LGSN: variants seen among roughly 807,000 people sequenced by gnomAD.
LGSN encodes the protein lengsin.
A neutral mutation model predicts 19.5 loss-of-function variants in LGSN; 21 were observed. The ratio of observed to expected loss-of-function variants is 1.07; its 90% confidence interval spans 0.76 to 1.55. The LOEUF is 1.55. Ranked by LOEUF, LGSN falls within the 40% of genes most tolerant of loss-of-function variation. The pLI, the probability that LGSN is intolerant of heterozygous loss-of-function variation, is 0.00. For synonymous variants in LGSN, 257 were observed against 215.6 expected, an observed-to-expected ratio of 1.19 and a Z score of -1.68; for missense variants, 673 against 608.5, an observed-to-expected ratio of 1.11 and a Z score of -1.12.
chr6:63,388,250 G>T, the LGSN span, among the ~76,000 whole-genome samples: 5 of 152,176 alleles, frequency 3.3e-5, no homozygotes, highest in East Asian at 9.7e-4. Context: ...GGTGAATTAT[G>T]AAGATAAGGA....
chr6:63,457,399 G>A, the LGSN span, among the ~76,000 whole-genome samples: 25 of 152,136 alleles, frequency 1.6e-4, no homozygotes, highest in Non-Finnish European at 2.9e-5. Flanking sequence ...CAGCTACTCG[G>A]GAGGCTGAGG....
At chr6:63,390,855 A>AT in the LGSN span, among the ~76,000 whole-genome samples, 2 of 139,058 alleles carry the variant, frequency 1.4e-5, no homozygotes, top group African/African-American at 5.9e-5. Flanking sequence ...GCAAGACTCC[A>AT]TCTCAAAAAA....
the LGSN span, among the ~76,000 whole-genome samples, chr6:63,325,687 C>T: frequency 2.3e-3 from 352 of 152,172 alleles, 1 homozygote; most frequent in Non-Finnish European, 3.7e-3. Flanking sequence ...TTTAAGGTGG[C>T]GCATCTGGAG....
the LGSN span, among the ~76,000 whole-genome samples, chr6:63,342,705 CT>C: frequency 2.2e-4 from 34 of 152,294 alleles, no homozygotes; most frequent in Middle Eastern, 6.8e-3. Context: ...TGGTGATCAG[CT>C]TTTTAAATTT....
the LGSN span, among the ~76,000 whole-genome samples, chr6:63,560,931 G>A: frequency 6.6e-6 from 1 of 152,126 alleles, no homozygotes; most frequent in African/African-American, 2.4e-5. Flanking sequence ...CAGATTTTCA[G>A]TAAAGTATTG....
the LGSN span, among the ~76,000 whole-genome samples, chr6:63,348,008 G>A: frequency 6.6e-6 from 1 of 152,150 alleles, no homozygotes; most frequent in South Asian, 2.1e-4. Flanking sequence ...CTTAAAATTG[G>A]AGGAGAAACT....
At chr6:63,561,407 A>G in the LGSN span, among the ~76,000 whole-genome samples, 13 of 152,328 alleles carry the variant, frequency 8.5e-5, no homozygotes, top group African/African-American at 3.1e-4. Context: ...TATTTCTACA[A>G]CAACCAGCAC....
the LGSN span, among the ~76,000 whole-genome samples, chr6:63,547,733 G>A: frequency 1.4e-5 from 2 of 145,098 alleles, no homozygotes; most frequent in African/African-American, 5.1e-5. Context: ...GGATGGTCTC[G>A]ATCTCCTGAC....
intron 2 of LGSN, among the ~76,000 whole-genome samples, chr6:63,287,494 C>T (rs925027754): frequency 1.3e-5 from 2 of 151,978 alleles, no homozygotes; most frequent in Non-Finnish European, 2.9e-5. Context: ...CAAGACCAGC[C>T]TGGGCCAGTT....
At chr6:63,326,712 T>A in the LGSN span, among the ~76,000 whole-genome samples, 1 of 152,174 alleles carries the variant, frequency 6.6e-6, no homozygotes, top group Non-Finnish European at 1.5e-5. Flanking sequence ...AGCCCCTCAT[T>A]GCCCAGGGCC....
upstream of LGSN, among the ~76,000 whole-genome samples, chr6:63,323,749 T>C (rs988906852): frequency 7.3e-5 from 11 of 150,850 alleles, no homozygotes; most frequent in Admixed American, 1.3e-4. Flanking sequence ...GAAAAACCAC[T>C]GGAATCTCGT....
At chr6:63,451,823 G>A in the LGSN span, among the ~76,000 whole-genome samples, 1 of 151,774 alleles carries the variant, frequency 6.6e-6, no homozygotes, top group Non-Finnish European at 1.5e-5. Flanking sequence ...CAATTGAGAT[G>A]GTCACACAAT....
the LGSN span, among the ~76,000 whole-genome samples, chr6:63,487,821 A>C: frequency 6.6e-6 from 1 of 152,112 alleles, no homozygotes; most frequent in African/African-American, 2.4e-5. Flanking sequence ...TCTCTATTAA[A>C]AATGCAAATA....
At chr6:63,558,379 A>G in the LGSN span, among the ~76,000 whole-genome samples, 1 of 152,272 alleles carries the variant, frequency 6.6e-6, no homozygotes, top group East Asian at 1.9e-4. Context: ...GAGGGGGACA[A>G]TCTCTGAGCC....
the LGSN span, among the ~76,000 whole-genome samples, chr6:63,325,953 C>G: frequency 6.6e-6 from 1 of 152,132 alleles, no homozygotes; most frequent in South Asian, 2.1e-4. Context: ...TCTTATCTGG[C>G]CCCACCCACA....
chr6:63,476,336 G>A, the LGSN span, among the ~76,000 whole-genome samples: 4 of 152,290 alleles, frequency 2.6e-5, no homozygotes, highest in African/African-American at 9.6e-5. Context: ...AGGACTGTTC[G>A]ATTAACTCTT....
At chr6:63,472,707 G>A in the LGSN span, among the ~76,000 whole-genome samples, 1 of 152,250 alleles carries the variant, frequency 6.6e-6, no homozygotes, top group East Asian at 1.9e-4. Context: ...TTGGGAGGCT[G>A]AGATGGGCAG....
the LGSN span, among the ~76,000 whole-genome samples, chr6:63,482,128 T>G: frequency 6.6e-6 from 1 of 152,202 alleles, no homozygotes; most frequent in Non-Finnish European, 1.5e-5. Context: ...CTTTGCCTAT[T>G]TACACTTGAC....
chr6:63,540,553 G>A, the LGSN span, among the ~76,000 whole-genome samples: 193 of 152,108 alleles, frequency 1.3e-3, 2 homozygotes, highest in African/African-American at 4.5e-3. Context: ...CCCAGGAGGC[G>A]GAGGTTGCAG....
Sources: allele counts gnomAD v4.1 joint callset (sites outside exome capture counted in the v4.1 genomes callset), GRCh38; gene constraint gnomAD v4.1.1; transcripts MANE v1.5; gene names NCBI Gene and HGNC (gene_info 2026-07-23, HGNC 2026-07-21).